CUBN: variants seen among roughly 807,000 people sequenced by gnomAD.
The protein encoded by CUBN is cubilin, also known as 460 kDa receptor.
A neutral mutation model predicts 405.3 loss-of-function variants in CUBN; 282 were observed. The observed-to-expected ratio is 0.70, with a 90% CI of 0.63 to 0.77. The LOEUF (loss-of-function observed/expected upper bound fraction) is 0.77. Among genes scored for constraint, CUBN ranks in the 30% least tolerant of loss-of-function variants. The pLI, the probability that CUBN is intolerant of heterozygous loss-of-function variation, is 0.00. For synonymous variants in CUBN, 1,684 were observed against 1,617.0 expected (o/e 1.04, Z -0.99); for missense variants, 4,514 against 4,475.2 (o/e 1.01, Z -0.25).
Position 16,982,617 on chromosome 10 carries a change from A to G in CUBN, c.4562T>C (p.Ile1521Thr), listed in dbSNP as rs1392580032. ...GGIFQAPSGEIHSPNYPSPYR... is the reference protein window; with the variant it reads ...GGIFQAPSGETHSPNYPSPYR... Reference sequence around the variant, plus strand: ...AGGACTGGGGTAATTTGGAGAATGAATCTCTCCACTGGGAGCCTGGAAAAT... The same window carrying G: ...AGGACTGGGGTAATTTGGAGAATGAGTCTCTCCACTGGGAGCCTGGAAAAT... The change falls in exon 31 of 67, where the codon ATT becomes ACT. Residue 1521 changes from isoleucine (I) to threonine (T), a missense_variant. By Grantham distance (89) the Ile-to-Thr change is moderately conservative. Coordinates refer to ENST00000377833, the MANE Select transcript of CUBN (RefSeq NM_001081.4). 6.8e-6 allele frequency: 11 copies of G among 1,613,046 alleles called. No individual in the cohort carries two copies. The highest frequency in any genetic ancestry group is 9.3e-6 in the Non-Finnish European group (11 of 1,179,216).
intron 56 of CUBN, among the ~76,000 whole-genome samples, chr10:16,885,437 TAATA>T (rs930220256): frequency 1.3e-5 from 2 of 152,168 alleles, no homozygotes; most frequent in Admixed American, 6.5e-5. Context: ...TATACATATA[TAATA>T]AATATATATT....
chr10:16,933,135 T>C lies in CUBN; in HGVS notation c.6076A>G (p.Ile2026Val), dbSNP rs752413754. 3 of 1,614,094 alleles carry C rather than the reference T, an allele frequency of 1.9e-6. No homozygotes were observed. The highest frequency in any genetic ancestry group is 2.2e-5 in the East Asian group (1 of 44,876). The change falls in exon 40 of 67, where the codon ATT (isoleucine) becomes GTT (valine). Residue 2026 changes from isoleucine to valine, a missense_variant. Ile to Val is a conservative substitution (Grantham distance 29, BLOSUM62 3). This residue lies in a region of CUBN where 1,613 missense variants were observed against 1,542.8 expected (regional missense o/e 1.05). Transcript: ENST00000377833. The stretch of plus-strand genomic sequence containing the variant: ...TAGGCACACGTTCGGTGAGATTCAA[T>C]GTCCAGGGAAAGAATGTTGAGTTCC... ...TVELNILSLDIESHRTCAYDS... is the reference protein window; with the variant it reads ...TVELNILSLDVESHRTCAYDS...
At chr10:16,994,463 G>C (rs549935345) in intron 28 of CUBN, among the ~76,000 whole-genome samples, 86 of 152,094 alleles carry the variant, frequency 5.7e-4, no homozygotes, top group African/African-American at 2.0e-3. Flanking sequence ...TTACAAATAA[G>C]AATAAATAAC....
At chr10:17,049,814 T>C (rs1464873987) in intron 22 of CUBN, among the ~76,000 whole-genome samples, 1 of 152,234 alleles carries the variant, frequency 6.6e-6, no homozygotes, top group African/African-American at 2.4e-5. Flanking sequence ...CCAAGCAGAA[T>C]TAATTTATTT....
chr10:17,122,487 C>T (rs1407134211), intron 6 of CUBN: 1 of 434,996 alleles, frequency 2.3e-6, no homozygotes, highest in Non-Finnish European at 4.5e-6. Flanking sequence ...TCCGGCTCTT[C>T]CTAAGTCTTC....
At chr10:16,954,746 G>A (rs952814592) in intron 31 of CUBN, among the ~76,000 whole-genome samples, 198 bp from the exon 32 acceptor site, 1 of 152,102 alleles carries the variant, frequency 6.6e-6, no homozygotes, top group African/African-American at 2.4e-5. Context: ...AATTTCAGCA[G>A]GACTTCCTCT....
intron 65 of CUBN, among the ~76,000 whole-genome samples, chr10:16,830,155 G>A (rs1838940292): frequency 6.6e-6 from 1 of 152,084 alleles, no homozygotes; most frequent in Admixed American, 6.6e-5. Context: ...ACACTGGTCT[G>A]GAACTCCTGA....
rs1834465100 is a variant in CUBN, at chr10:17,020,515, A to ATG, written c.4018-533_4018-532insCA. ...ATTTTTAAAATAAATGCTACCTGTA[A>ATG]AATAATCAGACATTTTAGAAATATA... On this transcript the variant is annotated intron_variant, in intron 27 of 66. Transcript: ENST00000377833. 4.6e-5 allele frequency among the ~76,000 whole-genome samples: 7 copies of ATG among 152,310 alleles called. No homozygotes were observed. In the South Asian group the frequency reaches 1.2e-3, roughly 27 times the overall value.
intron 23 of CUBN, 34 bp downstream of exon 23, chr10:17,047,379 GA>G (rs750837897): frequency 6.7e-7 from 1 of 1,482,122 alleles, no homozygotes; most frequent in Admixed American, 1.7e-5. Context: ...AATAAATAAT[GA>G]AAAGATTATA....
chr10:17,051,601 A>C (rs1354126878), intron 22 of CUBN, among the ~76,000 whole-genome samples: 3 of 152,122 alleles, frequency 2.0e-5, no homozygotes, highest in Non-Finnish European at 2.9e-5. Context: ...AAAGGGAGAA[A>C]ATTATTAAAA....
chr10:16,853,385 G>C (rs535876575), intron 59 of CUBN, among the ~76,000 whole-genome samples: 15 of 152,294 alleles, frequency 9.8e-5, no homozygotes, highest in African/African-American at 2.6e-4. Context: ...TGCTCACGGT[G>C]AAAAGACTGC....
intron 33 of CUBN, 68 bp downstream of exon 33, chr10:16,952,208 C>T (rs752731924): frequency 9.8e-6 from 11 of 1,123,564 alleles, no homozygotes; most frequent in African/African-American, 6.1e-5. Context: ...GAAGGTTACT[C>T]ATAGACTGAC....
intron 62 of CUBN, among the ~76,000 whole-genome samples, chr10:16,839,985 A>T (rs1396517267): frequency 6.7e-6 from 1 of 149,934 alleles, no homozygotes; most frequent in Non-Finnish European, 1.5e-5. Flanking sequence ...CAAACACCGC[A>T]TATTCTCACT....
At chr10:17,106,212 G>A (rs1333052251) in intron 10 of CUBN, among the ~76,000 whole-genome samples, 2 of 152,118 alleles carry the variant, frequency 1.3e-5, no homozygotes, top group South Asian at 2.1e-4. Flanking sequence ...TTGAACCCAG[G>A]AGGCAGAGGT....
intron 56 of CUBN, among the ~76,000 whole-genome samples, chr10:16,887,568 G>C (rs1307222873): frequency 6.6e-6 from 1 of 152,188 alleles, no homozygotes; most frequent in Admixed American, 6.5e-5. Context: ...AAAGACAAGA[G>C]ATAAGTTTTG....
intron 58 of CUBN, among the ~76,000 whole-genome samples, chr10:16,872,640 G>A (rs755638083): frequency 3.4e-4 from 52 of 152,142 alleles, no homozygotes; most frequent in Non-Finnish European, 1.2e-4. Context: ...AATCTGCCTC[G>A]ACCTTGGACT....
At chr10:17,105,036 C>T (rs1836591353) in intron 11 of CUBN, among the ~76,000 whole-genome samples, 1 of 151,396 alleles carries the variant, frequency 6.6e-6, no homozygotes, top group African/African-American at 2.4e-5. Flanking sequence ...TCTCCTGGCT[C>T]GTGATGCACC....
chr10:16,911,440 G>C (rs1841731152), intron 48 of CUBN, among the ~76,000 whole-genome samples: 1 of 152,118 alleles, frequency 6.6e-6, no homozygotes, highest in Non-Finnish European at 1.5e-5. Flanking sequence ...GTAGGATGTG[G>C]ATAGATAATG....
rs1356663434 is a variant in CUBN, at chr10:17,129,807, CAACT to C, written c.-46_-43del. On this transcript the variant is annotated 5_prime_UTR_variant, in exon 1 of 67. Coordinates refer to ENST00000377833, the MANE Select transcript of CUBN (RefSeq NM_001081.4). ...CAGGTAAGAGTGAGGCCACTCCAAC[CAACT>C]GAGCATGGGATTTTGGAGAACAGCA... is the stretch of plus-strand genomic sequence containing the variant. 146 of 1,609,690 alleles carry C rather than the reference CAACT, an allele frequency of 9.1e-5. No individual in the cohort carries two copies. Among genetic ancestry groups the C allele is most frequent in the Non-Finnish European group, 1.1e-4 (132 of 1,176,450 alleles).
Sources: gnomAD v4.1 joint callset for allele counts (sites outside exome capture counted in the v4.1 genomes callset) on GRCh38, gnomAD v4.1.1 for gene constraint, gnomAD v4.1.1 regional missense constraint, MANE v1.5 for transcripts, NCBI Gene and HGNC (gene_info 2026-07-23, HGNC 2026-07-21) for gene names.